HSD17B4: variants seen among roughly 807,000 people sequenced by gnomAD.
HSD17B4 encodes the protein peroxisomal multifunctional enzyme type 2.
In HSD17B4, 70 loss-of-function variants were observed where a neutral mutation model predicts 101.0. That is an observed-to-expected ratio of 0.69 (90% CI 0.57 to 0.85). The LOEUF is 0.85. HSD17B4 is among the 40% of genes least tolerant of loss of function. The pLI, the probability that HSD17B4 is intolerant of heterozygous loss-of-function variation, is 0.00. For missense variants in HSD17B4, 984 were observed against 892.4 expected (o/e 1.10, Z -1.31); for synonymous variants, 347 against 297.1 (o/e 1.17, Z -1.73).
intron 17 of HSD17B4, among the ~76,000 whole-genome samples, chr5:119,517,883 C>T (rs1298666804): frequency 6.6e-6 from 1 of 152,164 alleles, no homozygotes; most frequent in African/African-American, 2.4e-5. Flanking sequence ...CTGTATTTAG[C>T]TACTCTGGTG....
Position 119,532,474 on chromosome 5 carries a change from TA to T in HSD17B4, c.1993+1078del, listed in dbSNP as rs537996807. Among the ~76,000 whole-genome samples the T allele has an allele frequency of 2.1e-3, 323 of 151,852 alleles. 2 individuals carry two copies. The highest frequency in any genetic ancestry group is 0.017 in the South Asian group (81 of 4,808). On this transcript the variant is annotated intron_variant, in intron 22 of 23. Coordinates refer to ENST00000510025, the MANE Select transcript of HSD17B4 (RefSeq NM_000414.4). Reference sequence around the variant, plus strand: ...TTTAGAAAATAGTATGGCTGCCTTTTAAAAAAAAGGTTCTGAAATTGATGCT... The same window carrying T: ...TTTAGAAAATAGTATGGCTGCCTTTTAAAAAAAGGTTCTGAAATTGATGCT...
chr5:119,506,877 AT>A lies in HSD17B4; in HGVS notation c.1323del (p.Ile442LeufsTer39). 6.6e-7 allele frequency: 1 copy of A among 1,517,530 alleles called. No homozygotes were observed. Among genetic ancestry groups the A allele is most frequent in the Non-Finnish European group, 9.1e-7 (1 of 1,093,332 alleles). The allele number at this position is 1,517,530 out of a possible 1,614,324, so 94.0% of individuals were successfully genotyped here. On this transcript the variant is annotated frameshift_variant, in exon 15 of 24. Transcript: ENST00000510025. LOFTEE classifies it high-confidence loss of function. ...DVLDKGSGVV[I>X]IMDVYSYSEK... ...CCTAGATAAAGGATCCGGTGTAGTGATTATTATGGATGGTAATTTATTTACA... is the reference window on the plus strand; with the variant it reads ...CCTAGATAAAGGATCCGGTGTAGTGATATTATGGATGGTAATTTATTTACA...
intron 14 of HSD17B4, among the ~76,000 whole-genome samples, chr5:119,502,653 A>C (rs966332143): frequency 1.3e-5 from 2 of 152,158 alleles, no homozygotes; most frequent in Non-Finnish European, 2.9e-5. Context: ...AATGTTGTCT[A>C]ATTATATACT....
At chr5:119,511,469 A>T (rs1455512589) in intron 16 of HSD17B4, among the ~76,000 whole-genome samples, 1 of 152,268 alleles carries the variant, frequency 6.6e-6, no homozygotes, top group African/African-American at 2.4e-5. Flanking sequence ...CTTGAATTTA[A>T]TTGGATCAGA....
intron 11 of HSD17B4, among the ~76,000 whole-genome samples, chr5:119,495,328 T>G (rs1267651188): frequency 1.3e-5 from 2 of 152,226 alleles, no homozygotes; most frequent in African/African-American, 4.8e-5. Context: ...AATTGAATTA[T>G]TATAACTAAT....
intron 17 of HSD17B4, among the ~76,000 whole-genome samples, chr5:119,518,757 T>A (rs1752865708): frequency 6.6e-6 from 1 of 152,144 alleles, no homozygotes; most frequent in Non-Finnish European, 1.5e-5. Context: ...TTAAGAAAAC[T>A]GGCAATATAT....
chr5:119,504,252 A>G (rs1031447408), intron 14 of HSD17B4, among the ~76,000 whole-genome samples: 1 of 145,950 alleles, frequency 6.9e-6, no homozygotes, highest in East Asian at 1.9e-4. Flanking sequence ...ATGAGTGCAT[A>G]TGTCTTTTTG....
intron 2 of HSD17B4, among the ~76,000 whole-genome samples, chr5:119,458,310 A>C (rs957438875): frequency 4.6e-5 from 7 of 151,348 alleles, no homozygotes; most frequent in African/African-American, 1.7e-4. Flanking sequence ...TGTACACCAT[A>C]GACACCGTGT....
chr5:119,469,957 C>G (rs755961066), intron 2 of HSD17B4, among the ~76,000 whole-genome samples: 1 of 152,010 alleles, frequency 6.6e-6, no homozygotes, highest in Non-Finnish European at 1.5e-5. Context: ...AGTTGTCTGT[C>G]CCTGGTGGGT....
intron 8 of HSD17B4, among the ~76,000 whole-genome samples, chr5:119,482,634 TA>T: frequency 6.6e-6 from 1 of 152,170 alleles, no homozygotes; most frequent in East Asian, 1.9e-4. Flanking sequence ...TATTATTTAC[TA>T]TAGCTATGGG....
intron 2 of HSD17B4, among the ~76,000 whole-genome samples, chr5:119,470,007 G>T (rs545432089): frequency 6.2e-4 from 95 of 152,242 alleles, no homozygotes; most frequent in African/African-American, 2.2e-3. Context: ...GAGGGGGAAG[G>T]GTTGCTGGTG....
intron 8 of HSD17B4, among the ~76,000 whole-genome samples, chr5:119,481,041 A>G (rs1338731086): frequency 1.3e-5 from 2 of 152,142 alleles, no homozygotes; most frequent in Non-Finnish European, 2.9e-5. Context: ...ACAAACACAC[A>G]TGCTGTACAA....
chr5:119,525,464 G>A (rs1753502729), intron 18 of HSD17B4, among the ~76,000 whole-genome samples, 179 bp downstream of exon 18: 1 of 152,140 alleles, frequency 6.6e-6, no homozygotes, highest in East Asian at 1.9e-4. Context: ...AGAAAATAGT[G>A]CACTTGAAAT....
At chr5:119,518,120 G>C (rs1231946807) in intron 17 of HSD17B4, among the ~76,000 whole-genome samples, 1 of 152,076 alleles carries the variant, frequency 6.6e-6, no homozygotes, top group Non-Finnish European at 1.5e-5. Flanking sequence ...CTTCCACACT[G>C]TGGAAGCTTT....
rs911214887 is a variant in HSD17B4 at position 119,499,256 on chromosome 5, A to T, written c.973-61A>T. ...ATTCAAAAACAAAACTAGGTATGTA[A>T]GAAGTTAATAGTTTTGAAAAGTTAT... On this transcript the variant is annotated intron_variant, in intron 12 of 23. Coordinates refer to ENST00000510025, the MANE Select transcript of HSD17B4 (RefSeq NM_000414.4). 2.7e-6 allele frequency: 3 copies of T among 1,128,076 alleles called. No homozygotes were observed. The African/African-American group carries it at 4.6e-5, about 17-fold the overall frequency. The allele number at this position is 1,128,076 out of a possible 1,614,324, so 69.9% of individuals were successfully genotyped here.
chr5:119,505,174 A>G (rs1261962038), intron 14 of HSD17B4, among the ~76,000 whole-genome samples: 1 of 141,410 alleles, frequency 7.1e-6, no homozygotes. Flanking sequence ...GTCAGTTAAT[A>G]TGATACTTCC....
chr5:119,537,805 C>T (rs942346049), intron 23 of HSD17B4, among the ~76,000 whole-genome samples: 8 of 152,084 alleles, frequency 5.3e-5, no homozygotes, highest in Admixed American at 1.3e-4. Flanking sequence ...ACTTTATTTA[C>T]AGAAACACAC....
In HSD17B4 at chr5:119,494,095, A is replaced by G. The variant is rs34480380; in HGVS notation, c.868+149A>G. The G allele has an allele frequency of 0.049, 36,419 of 739,532 alleles. 4,877 individuals carry two copies. The highest frequency in any genetic ancestry group is 0.47 in the East Asian group (16,979 of 36,252). The allele number at this position is 739,532 out of a possible 1,614,324, so 45.8% of individuals were successfully genotyped here. ...ATTTTCTGCTCTAGTAGGTATTAGA[A>G]TTCTTCACATTTAAGATATTTATGT... is the stretch of plus-strand genomic sequence containing the variant. On this transcript the variant is annotated intron_variant, in intron 11 of 23. Transcript: ENST00000510025.
At chr5:119,507,668 C>T (rs370278979) in intron 15 of HSD17B4, among the ~76,000 whole-genome samples, 4 of 151,576 alleles carry the variant, frequency 2.6e-5, no homozygotes, top group Non-Finnish European at 2.9e-5. Context: ...CCTGTAGTCC[C>T]GGCTACTTGG....
Sources: allele counts gnomAD v4.1 joint callset (sites outside exome capture counted in the v4.1 genomes callset), GRCh38; gene constraint gnomAD v4.1.1; transcripts MANE v1.5; gene names NCBI Gene and HGNC (gene_info 2026-07-23, HGNC 2026-07-21).